Variants in PRKDC observed in about 807,000 individuals in gnomAD.
The protein encoded by PRKDC is DNA-dependent protein kinase catalytic subunit.
A neutral mutation model predicts 486.9 loss-of-function variants in PRKDC; 82 were observed. The ratio of observed to expected loss-of-function variants is 0.17; its 90% confidence interval spans 0.14 to 0.20. The LOEUF (loss-of-function observed/expected upper bound fraction) is 0.20. Among genes scored for constraint, PRKDC ranks in the 10% least tolerant of loss-of-function variants. The pLI is 1.00. For missense variants in PRKDC, 4,504 were observed against 5,038.2 expected (o/e 0.89, Z 3.21); for synonymous variants, 1,895 against 1,837.0 (o/e 1.03, Z -0.81).
chr8:47,785,859 C>A (rs2086782232), intron 76 of PRKDC, among the ~76,000 whole-genome samples: 1 of 152,140 alleles, frequency 6.6e-6, no homozygotes, highest in South Asian at 2.1e-4. Context: ...AATCCCAGCA[C>A]TTTGGGAGGC....
rs552093957 is a variant in PRKDC at position 47,794,512 on chromosome 8, G to C, written c.10459-11C>G. The C allele has an allele frequency of 1.8e-5, 29 of 1,572,726 alleles. No individual in the cohort carries two copies. Among genetic ancestry groups the C allele is most frequent in the East Asian group, 2.2e-5 (1 of 44,540 alleles). ...GGGAACGGAAGAGATCTAAAACAGA[G>C]AGCTGAAACTTAATGCTGAGTAAAA... On this transcript the variant is annotated splice_polypyrimidine_tract_variant and intron_variant, in intron 73 of 85. Transcript: ENST00000314191.
rs8178196 is a variant in PRKDC at position 47,828,409 on chromosome 8, A to G, written c.8398-62T>C. On this transcript the variant is annotated intron_variant, in intron 61 of 85. Coordinates refer to ENST00000314191, the MANE Select transcript of PRKDC (RefSeq NM_006904.7). ...GAAGCAAAAATGCTATAAATCACCA[A>G]TACTATCAGAGCTTGGAAAATACAA... The G allele has an allele frequency of 5.0e-4, 678 of 1,345,872 alleles. 4 individuals carry two copies. The African/African-American group carries it at 9.4e-3, about 19-fold the overall frequency. 83.4% of individuals were successfully genotyped at this position (1,345,872 alleles called of 1,614,324 possible).
intron 46 of PRKDC, 83 bp from the exon 47 acceptor site, chr8:47,859,069 G>C: frequency 1.5e-5 from 22 of 1,466,658 alleles, no homozygotes; most frequent in Non-Finnish European, 2.1e-5. Flanking sequence ...GCTCTTTCTG[G>C]GGCAACAGCA....
At chr8:47,895,196 T>C (rs1449829450) in intron 30 of PRKDC, among the ~76,000 whole-genome samples, 1 of 151,780 alleles carries the variant, frequency 6.6e-6, no homozygotes, top group Non-Finnish European at 1.5e-5. Flanking sequence ...ACTTTGTCTC[T>C]AAAACTGAAA....
In PRKDC at chr8:47,887,713, G is replaced by T; in HGVS notation, c.4414-8C>A. ...ATGATGCAAATCTGTGGACTAAAAG[G>T]AAGCCAACACTGAAATGCCTAGCAA... is the stretch of plus-strand genomic sequence containing the variant. On this transcript the variant is annotated splice_region_variant and splice_polypyrimidine_tract_variant and intron_variant, in intron 34 of 85. Coordinates refer to ENST00000314191, the MANE Select transcript of PRKDC (RefSeq NM_006904.7). 1 of 1,599,028 alleles carries T rather than the reference G, an allele frequency of 6.3e-7. No individual in the cohort carries two copies. The highest frequency in any genetic ancestry group is 8.5e-7 in the Non-Finnish European group (1 of 1,173,656).
intron 23 of PRKDC, 46 bp from the exon 24 acceptor site, chr8:47,914,110 A>T (rs1200958440): frequency 7.3e-7 from 1 of 1,372,888 alleles, no homozygotes; most frequent in Non-Finnish European, 9.5e-7. Context: ...TTTTCTTTTT[A>T]TTAGTGTCAG....
rs1281896737 is a variant in PRKDC at position 47,957,277 on chromosome 8, G to A, written c.232-14C>T. On this transcript the variant is annotated splice_polypyrimidine_tract_variant and intron_variant, in intron 2 of 85. Coordinates refer to ENST00000314191, the MANE Select transcript of PRKDC (RefSeq NM_006904.7). ...ACATTCACGAAACTGTAATGAAAGAGATACATATTGTAAATATGGGTAAGA... is the reference window on the plus strand; with the variant it reads ...ACATTCACGAAACTGTAATGAAAGAAATACATATTGTAAATATGGGTAAGA... The A allele has an allele frequency of 6.3e-7, 1 of 1,582,612 alleles. No homozygotes were observed. The highest frequency in any genetic ancestry group is 1.1e-5 in the South Asian group (1 of 89,264).
At chr8:47,812,551 T>C (rs557909436) in intron 68 of PRKDC, among the ~76,000 whole-genome samples, 7 of 152,110 alleles carry the variant, frequency 4.6e-5, no homozygotes, top group Non-Finnish European at 7.4e-5. Context: ...GAAAAATACG[T>C]TGAACTGAAT....
chr8:47,913,840 G>A (rs2154502826), intron 24 of PRKDC, 61 bp downstream of exon 24: 7 of 1,424,198 alleles, frequency 4.9e-6, no homozygotes, highest in East Asian at 4.9e-5. Context: ...TATATCCTAA[G>A]CAATATGTAT....
chr8:47,781,005 G>A (rs2086690366), intron 80 of PRKDC, among the ~76,000 whole-genome samples: 1 of 152,154 alleles, frequency 6.6e-6, no homozygotes, highest in African/African-American at 2.4e-5. Context: ...AATGGGTATT[G>A]GAAGTGCCCT....
intron 40 of PRKDC, among the ~76,000 whole-genome samples, chr8:47,872,428 TCAA>T (rs1395121648): frequency 2.1e-5 from 3 of 144,822 alleles, no homozygotes; most frequent in Non-Finnish European, 3.0e-5. Context: ...TCCACACTTA[TCAA>T]CAACAACATT....
At chr8:47,898,635 A>T in intron 28 of PRKDC, 66 bp from the exon 29 acceptor site, 1 of 1,014,072 alleles carries the variant, frequency 9.9e-7, no homozygotes, top group Non-Finnish European at 1.3e-6. Context: ...TTAAATTTGT[A>T]TTATAAATGT....
At chr8:47,894,065 G>A (rs1246205286) in intron 30 of PRKDC, among the ~76,000 whole-genome samples, 13 of 152,138 alleles carry the variant, frequency 8.5e-5, no homozygotes, top group Admixed American at 5.2e-4. Context: ...CGGATCACTT[G>A]AGGTCAAGAG....
intron 61 of PRKDC, among the ~76,000 whole-genome samples, chr8:47,829,480 TA>T (rs1311850634): frequency 6.6e-6 from 1 of 152,210 alleles, no homozygotes; most frequent in Non-Finnish European, 1.5e-5. Flanking sequence ...ACTTAATATT[TA>T]AAAAATAAAT....
At chr8:47,855,868 G>C (rs943426415) in intron 49 of PRKDC, among the ~76,000 whole-genome samples, 1 of 152,136 alleles carries the variant, frequency 6.6e-6, no homozygotes, top group East Asian at 1.9e-4. Flanking sequence ...CCACTCTAGG[G>C]GCAAACAGAA....
chr8:47,806,229 C>T (rs1382018646), intron 69 of PRKDC, among the ~76,000 whole-genome samples: 3 of 152,206 alleles, frequency 2.0e-5, no homozygotes, highest in Non-Finnish European at 4.4e-5. Flanking sequence ...TCTTACTAGA[C>T]AGTAACAATG....
At chr8:47,953,994 G>T (rs1013043154) in intron 5 of PRKDC, 75 bp from the exon 6 acceptor site, 2 of 781,374 alleles carry the variant, frequency 2.6e-6, no homozygotes, top group South Asian at 2.2e-5. Context: ...AATGTATGAA[G>T]AAAATAAAAT....
chr8:47,947,259 C>T (rs1363590321), intron 7 of PRKDC, among the ~76,000 whole-genome samples: 1 of 152,214 alleles, frequency 6.6e-6, no homozygotes, highest in Non-Finnish European at 1.5e-5. Context: ...TTCTGCGTTA[C>T]ATCCTCAGAA....
At chr8:47,796,687 C>A (rs1253509501) in intron 73 of PRKDC, among the ~76,000 whole-genome samples, 2 of 151,934 alleles carry the variant, frequency 1.3e-5, no homozygotes, top group Admixed American at 1.3e-4. Context: ...GCAACCTCCA[C>A]CTCCTGGGTT....
Sources: allele counts gnomAD v4.1 joint callset (sites outside exome capture counted in the v4.1 genomes callset), GRCh38; gene constraint gnomAD v4.1.1; transcripts MANE v1.5; gene names NCBI Gene and HGNC (gene_info 2026-07-23, HGNC 2026-07-21).